Variants in ST18 observed in about 807,000 individuals in gnomAD.
ST18 encodes the protein ST18 C2H2C-type zinc finger transcription factor.
In ST18, 50 loss-of-function variants were observed where a neutral mutation model predicts 110.0. That is an observed-to-expected ratio of 0.45 (90% CI 0.36 to 0.58). The LOEUF (loss-of-function observed/expected upper bound fraction) is 0.58, where lower values mean the gene tolerates loss of function less well. Ranked by LOEUF, ST18 falls within the 20% of genes least tolerant of loss-of-function variation. ST18 has a pLI of 0.00. For missense variants in ST18, 1,306 were observed against 1,280.1 expected, an observed-to-expected ratio of 1.02 and a Z score of -0.31; for synonymous variants, 461 against 452.4, an observed-to-expected ratio of 1.02 and a Z score of -0.24.
chr8:52,259,672 T>C (rs1381716362), intron 2 of ST18, among the ~76,000 whole-genome samples: 1 of 152,156 alleles, frequency 6.6e-6, no homozygotes, highest in Non-Finnish European at 1.5e-5. Flanking sequence ...CTGTTCTGAG[T>C]GCTTTTCATG....
chr8:52,192,564 T>A (rs772127180), intron 8 of ST18, among the ~76,000 whole-genome samples: 2 of 152,186 alleles, frequency 1.3e-5, no homozygotes, highest in African/African-American at 2.4e-5. Context: ...GCTGAGAGGC[T>A]AGCTTGGACG....
chr8:52,183,281 C>G (rs60645968), intron 8 of ST18, among the ~76,000 whole-genome samples: 2,476 of 152,212 alleles, frequency 0.016, 84 homozygotes, highest in African/African-American at 0.057. Context: ...GAAGAAGATA[C>G]TGAGTTGCAG....
intron 2 of ST18, among the ~76,000 whole-genome samples, chr8:52,280,077 T>C (rs1299932107): frequency 6.6e-6 from 1 of 152,120 alleles, no homozygotes; most frequent in African/African-American, 2.4e-5. Flanking sequence ...ATGGTTGCAC[T>C]GTTTAAGAGA....
rs1298496400 is a variant in ST18, at chr8:52,126,154, A to T, written c.2667-14T>A. The T allele has an allele frequency of 6.2e-7, 1 of 1,604,090 alleles. No individual in the cohort carries two copies. Among genetic ancestry groups the T allele is most frequent in the Admixed American group, 1.7e-5 (1 of 59,930 alleles). On this transcript the variant is annotated splice_polypyrimidine_tract_variant and intron_variant, in intron 22 of 25. Transcript: ENST00000689386. Reference sequence around the variant, plus strand: ...CATCCAGATAAGCTGTGAAAATAGAAATTGTACTAATGTATGAAATGTATA... The same window carrying T: ...CATCCAGATAAGCTGTGAAAATAGATATTGTACTAATGTATGAAATGTATA...
At chr8:52,186,712 G>A (rs1359034435) in intron 8 of ST18, among the ~76,000 whole-genome samples, 2 of 152,172 alleles carry the variant, frequency 1.3e-5, no homozygotes, top group Non-Finnish European at 2.9e-5. Context: ...CTCTGAATAC[G>A]CTAGCCGTGA....
chr8:52,394,128 C>A (rs919081026), intron 2 of ST18, among the ~76,000 whole-genome samples: 1 of 152,114 alleles, frequency 6.6e-6, no homozygotes, highest in Non-Finnish European at 1.5e-5. Context: ...GGCACCATTC[C>A]CATCCCCCTG....
At chr8:52,324,313 G>A (rs1283065737) in intron 2 of ST18, among the ~76,000 whole-genome samples, 1 of 151,652 alleles carries the variant, frequency 6.6e-6, no homozygotes, top group Non-Finnish European at 1.5e-5. Flanking sequence ...ATGGATGGAT[G>A]GATGGATGGA....
At chr8:52,158,319 G>A (rs958908868) in intron 15 of ST18, among the ~76,000 whole-genome samples, 1 of 152,170 alleles carries the variant, frequency 6.6e-6, no homozygotes, top group Non-Finnish European at 1.5e-5. Flanking sequence ...ATGCCCTGAG[G>A]TCTCAACCCT....
At chr8:52,322,690 T>C (rs973169735) in intron 2 of ST18, among the ~76,000 whole-genome samples, 2 of 152,154 alleles carry the variant, frequency 1.3e-5, no homozygotes, top group African/African-American at 4.8e-5. Flanking sequence ...GGCATTTCTT[T>C]CCAGTAGAGT....
At chr8:52,136,775 A>G in intron 18 of ST18, 117 bp from the exon 19 acceptor site, 1 of 871,220 alleles carries the variant, frequency 1.1e-6, no homozygotes, top group Non-Finnish European at 1.8e-6. Flanking sequence ...ATTGGGAAAA[A>G]AAAATAACTG....
At chr8:52,346,278 A>C (rs1195411905) in intron 2 of ST18, among the ~76,000 whole-genome samples, 2 of 151,356 alleles carry the variant, frequency 1.3e-5, no homozygotes, top group Admixed American at 1.3e-4. Flanking sequence ...TTTGAAGAGA[A>C]GCCCTAAAAC....
chr8:52,190,388 G>A (rs1192952168), intron 8 of ST18, among the ~76,000 whole-genome samples: 3 of 152,098 alleles, frequency 2.0e-5, no homozygotes, highest in Non-Finnish European at 4.4e-5. Context: ...AGGATGCATG[G>A]CTGATGGTCC....
Position 52,137,405 on chromosome 8 carries a change from T to G in ST18, c.2231+16A>C. 3 of 1,613,924 alleles carry G rather than the reference T, an allele frequency of 1.9e-6. No individual in the cohort carries two copies. Among genetic ancestry groups the G allele is most frequent in the Non-Finnish European group, 2.5e-6 (3 of 1,179,856 alleles). On this transcript the variant is annotated intron_variant, in intron 18 of 25. Coordinates refer to ENST00000689386, the MANE Select transcript of ST18 (RefSeq NM_001352837.2). Reference sequence around the variant, plus strand: ...AAGACCATGAAAATCTGACTGCACATGAGGTCATTGGGTACCTGCGATGAG... The same window carrying G: ...AAGACCATGAAAATCTGACTGCACAGGAGGTCATTGGGTACCTGCGATGAG...
intron 2 of ST18, among the ~76,000 whole-genome samples, chr8:52,262,946 T>C (rs1038965328): frequency 6.6e-6 from 1 of 152,214 alleles, no homozygotes; most frequent in Non-Finnish European, 1.5e-5. Context: ...GCCAAAACTT[T>C]TTCCACTGCT....
intron 2 of ST18, among the ~76,000 whole-genome samples, chr8:52,320,377 A>AT (rs748116342): frequency 0.014 from 2,174 of 150,166 alleles, 42 homozygotes; most frequent in African/African-American, 0.048. Context: ...CCTACTATTG[A>AT]TTTTTTTTTT....
chr8:52,211,377 AATTATTATTATTATTATTATT>A (rs3054637), intron 8 of ST18, among the ~76,000 whole-genome samples: 5 of 138,450 alleles, frequency 3.6e-5, no homozygotes, highest in African/African-American at 5.3e-5. Flanking sequence ...GGAATCATCT[AATTATTATTATTATTATTATT>A]ATTATTATTA....
intron 10 of ST18, among the ~76,000 whole-genome samples, chr8:52,167,273 T>A (rs185412341): frequency 6.6e-6 from 1 of 152,292 alleles, no homozygotes; most frequent in East Asian, 1.9e-4. Context: ...AGCCTCATTA[T>A]GAAAAATCAA....
intron 8 of ST18, among the ~76,000 whole-genome samples, chr8:52,181,939 T>C (rs989129918): frequency 3.7e-4 from 57 of 152,104 alleles, no homozygotes; most frequent in African/African-American, 1.2e-3. Context: ...AGAGAAACTC[T>C]AGGAACCTCT....
At chr8:52,124,875 TG>T (rs1463431965) in intron 23 of ST18, among the ~76,000 whole-genome samples, 1 of 145,142 alleles carries the variant, frequency 6.9e-6, no homozygotes, top group African/African-American at 2.7e-5. Flanking sequence ...TTCCCTCCCT[TG>T]GATACTGCAT....
Sources: allele counts gnomAD v4.1 joint callset (sites outside exome capture counted in the v4.1 genomes callset), GRCh38; gene constraint gnomAD v4.1.1; transcripts MANE v1.5; gene names NCBI Gene and HGNC (gene_info 2026-07-23, HGNC 2026-07-21).